MYO18B: variants seen among roughly 807,000 people sequenced by gnomAD.
MYO18B encodes unconventional myosin-XVIIIb.
MYO18B carries 204 observed loss-of-function variants against 273.0 expected under a neutral mutation model. That is an observed-to-expected ratio of 0.75 (90% CI 0.67 to 0.84). MYO18B has a LOEUF of 0.84. Ranked by LOEUF, MYO18B falls within the 40% of genes least tolerant of loss-of-function variation. MYO18B has a pLI of 0.00. For synonymous variants in MYO18B, 1,330 were observed against 1,305.7 expected (o/e 1.02, Z -0.40); for missense variants, 3,212 against 3,287.6 (o/e 0.98, Z 0.56).
rs545143789 is a variant in MYO18B, at chr22:25,944,190, C to T, written c.5518-1947C>T. 3.1e-4 allele frequency among the ~76,000 whole-genome samples: 47 copies of T among 152,300 alleles called. No homozygotes were observed. The South Asian group carries it at 6.6e-3, about 21-fold the overall frequency. On this transcript the variant is annotated intron_variant, in intron 34 of 43. Transcript: ENST00000335473. ...TTACCTGCTGGAAAATAAGACCAGG[C>T]CTGACATCTCACTTCTTCTGTCCAT...
intron 12 of MYO18B, among the ~76,000 whole-genome samples, chr22:25,810,932 A>T (rs1230055746): frequency 6.6e-6 from 1 of 152,164 alleles, no homozygotes; most frequent in Non-Finnish European, 1.5e-5. Context: ...TTTGACAATT[A>T]TATAATGTCA....
chr22:25,992,580 A>G, intron 40 of MYO18B, 87 bp downstream of exon 40: 6 of 1,565,626 alleles, frequency 3.8e-6, no homozygotes, highest in Non-Finnish European at 5.2e-6. Context: ...GGCTGGGGCC[A>G]CATTCACTGG....
chr22:25,952,206 T>A (rs1008893330), intron 37 of MYO18B, 80 bp from the exon 38 acceptor site: 2 of 1,520,790 alleles, frequency 1.3e-6, no homozygotes, highest in African/African-American at 2.7e-5. Flanking sequence ...CCTCCCACCC[T>A]CCCAGGCTGG....
intron 25 of MYO18B, among the ~76,000 whole-genome samples, chr22:25,885,775 A>G (rs2091479702): frequency 1.3e-5 from 2 of 152,276 alleles, no homozygotes; most frequent in South Asian, 2.1e-4. Flanking sequence ...GGGGGCCCTA[A>G]TGGCCCTTGA....
intron 43 of MYO18B, among the ~76,000 whole-genome samples, chr22:26,029,661 A>G (rs1191050663): frequency 6.6e-6 from 1 of 152,134 alleles, no homozygotes; most frequent in East Asian, 1.9e-4. Flanking sequence ...TTTTTCAGCT[A>G]TACAATGCAA....
At chr22:25,925,392 A>T (rs1024364811) in intron 34 of MYO18B, among the ~76,000 whole-genome samples, 1 of 152,188 alleles carries the variant, frequency 6.6e-6, no homozygotes, top group African/African-American at 2.4e-5. Flanking sequence ...AGATGAGGAA[A>T]CTGTCACTGA....
At chr22:26,042,864 C>T in the MYO18B span, among the ~76,000 whole-genome samples, 1 of 152,206 alleles carries the variant, frequency 6.6e-6, no homozygotes, top group Admixed American at 6.5e-5. Context: ...ACCTTGGTGC[C>T]TGGTACACAA....
chr22:25,967,776 A>T (rs1382323443), intron 39 of MYO18B, among the ~76,000 whole-genome samples: 3 of 152,204 alleles, frequency 2.0e-5, no homozygotes, highest in Non-Finnish European at 4.4e-5. Flanking sequence ...ACTCAGTGAA[A>T]TTCAGGGACT....
intron 39 of MYO18B, among the ~76,000 whole-genome samples, chr22:25,979,736 C>A (rs1415512161): frequency 6.6e-6 from 1 of 152,108 alleles, no homozygotes; most frequent in African/African-American, 2.4e-5. Flanking sequence ...TATTTGCAAA[C>A]CTTGCGACTG....
intron 40 of MYO18B, among the ~76,000 whole-genome samples, chr22:25,997,953 AC>A (rs1933476887): frequency 2.8e-5 from 4 of 141,046 alleles, no homozygotes; most frequent in South Asian, 2.2e-4. Flanking sequence ...ACACACACAC[AC>A]ACAAACACAC....
intron 9 of MYO18B, among the ~76,000 whole-genome samples, chr22:25,780,934 C>T (rs776214994): frequency 5.7e-4 from 87 of 152,292 alleles, no homozygotes; most frequent in Non-Finnish European, 1.1e-3. Context: ...CACCCATACT[C>T]CTCCCCGTCT....
rs769068570 is a variant in MYO18B at position 25,772,496 on chromosome 22, C to G, written c.1855C>G (p.Pro619Ala). The G allele has an allele frequency of 1.2e-6, 2 of 1,613,656 alleles. No individual in the cohort carries two copies. Among genetic ancestry groups the G allele is most frequent in the African/African-American group, 2.7e-5 (2 of 75,030 alleles). The change falls in exon 7 of 44, where the codon CCT (proline) becomes GCT (alanine). Residue 619 changes from proline (P) to alanine (A), a missense_variant. Pro to Ala is a conservative substitution (Grantham distance 27). Transcript: ENST00000335473. ...CCTCCAGCCCCGGGGGCCCTCGGTG[C>G]CTTCTGCAGGGAAGGTGAGGTGGGA... ...IVLQPRGPSV[P>A]SAGKVPKGRR...
At chr22:25,895,314 G>C in intron 28 of MYO18B, 34 bp downstream of exon 28, 5 of 1,568,600 alleles carry the variant, frequency 3.2e-6, no homozygotes, top group East Asian at 4.7e-5. Context: ...CCACAGAAGT[G>C]TTAGAGAGTG....
At chr22:25,865,712 A>G (rs1016031580) in intron 21 of MYO18B, among the ~76,000 whole-genome samples, 1 of 152,192 alleles carries the variant, frequency 6.6e-6, no homozygotes, top group African/African-American at 2.4e-5. Context: ...CTGAACCCAG[A>G]TGGATCTAAC....
intron 33 of MYO18B, among the ~76,000 whole-genome samples, chr22:25,920,927 T>TG (rs1233629315): frequency 6.6e-6 from 1 of 152,208 alleles, no homozygotes; most frequent in African/African-American, 2.4e-5. Flanking sequence ...ACTGATGACT[T>TG]GCGTGCAAGA....
At chr22:25,772,811 G>T (rs944064455) in intron 7 of MYO18B, among the ~76,000 whole-genome samples, 1 of 152,200 alleles carries the variant, frequency 6.6e-6, no homozygotes, top group Non-Finnish European at 1.5e-5. Context: ...GCACCTTCTT[G>T]TATTAACTCA....
chr22:25,868,005 A>G (rs1256238999), intron 21 of MYO18B, among the ~76,000 whole-genome samples: 1 of 152,128 alleles, frequency 6.6e-6, no homozygotes, highest in African/African-American at 2.4e-5. Flanking sequence ...TTCTATGTTT[A>G]ATTATTCGAG....
intron 39 of MYO18B, among the ~76,000 whole-genome samples, chr22:25,967,558 C>T (rs747211549): frequency 2.6e-5 from 4 of 152,192 alleles, no homozygotes; most frequent in Admixed American, 1.3e-4. Context: ...ATATGAGGAT[C>T]GACCAAGCAG....
intron 13 of MYO18B, among the ~76,000 whole-genome samples, chr22:25,826,004 C>T (rs527569561): frequency 4.6e-5 from 7 of 152,300 alleles, no homozygotes; most frequent in South Asian, 2.1e-4. Context: ...CTTCAGGGCA[C>T]GCCCAGCCTC....
Sources: gnomAD v4.1 joint callset for allele counts (sites outside exome capture counted in the v4.1 genomes callset) on GRCh38, gnomAD v4.1.1 for gene constraint, MANE v1.5 for transcripts, NCBI Gene and HGNC (gene_info 2026-07-23, HGNC 2026-07-21) for gene names.